The following SAMMSON variants were observed in gnomAD, a reference collection of about 807,000 sequenced individuals.
The protein encoded by SAMMSON is survival associated mitochondrial melanoma specific oncogenic non-coding RNA.
At chr3:70,107,127 C>T (rs189352858) in intron 4 of SAMMSON, among the ~76,000 whole-genome samples, 1 of 152,122 alleles carries the variant, frequency 6.6e-6, no homozygotes, top group East Asian at 1.9e-4. Flanking sequence ...AGAGGGGGAC[C>T]GGGTAAAATG....
In SAMMSON at chr3:70,399,544, A is replaced by G. The variant is rs115612746; in HGVS notation, n.233+41220A>G. Reference sequence around the variant, plus strand: ...AACCCCAACAAATATATCTGTTGATATCATTTTCATAAAATGATTACATAA... The same window carrying G: ...AACCCCAACAAATATATCTGTTGATGTCATTTTCATAAAATGATTACATAA... On this transcript the variant is annotated intron_variant and non_coding_transcript_variant, in intron 2 of 3. Coordinates refer to the SAMMSON transcript ENST00000641053. Among the ~76,000 whole-genome samples the G allele has an allele frequency of 3.9e-3, 593 of 152,282 alleles. 7 individuals are homozygous for G. The highest frequency in any genetic ancestry group is 0.014 in the African/African-American group (564 of 41,556).
intron 7 of SAMMSON, among the ~76,000 whole-genome samples, chr3:70,295,543 A>G (rs1360932171): frequency 1.3e-5 from 2 of 152,066 alleles, no homozygotes; most frequent in African/African-American, 4.8e-5. Context: ...TCTCTACAAA[A>G]AAGTTAAAAA....
intron 4 of SAMMSON, among the ~76,000 whole-genome samples, chr3:70,103,145 G>A (rs2067352492): frequency 6.6e-6 from 1 of 152,242 alleles, no homozygotes; most frequent in South Asian, 2.1e-4. Flanking sequence ...AATTGGTACC[G>A]TGCTGGAATG....
chr3:70,126,125 A>T lies in SAMMSON; in HGVS notation n.507+54560A>T, dbSNP rs919959646. ...ACTCTGTTTGTTAGGATTGTGCTGG[A>T]AGGTGGTGGGTACATATACTTGAGG... On this transcript the variant is annotated intron_variant and non_coding_transcript_variant, in intron 4 of 9. Coordinates refer to ENST00000642114, the Ensembl canonical transcript of SAMMSON. 4 of 1,273,212 alleles carry T rather than the reference A, an allele frequency of 3.1e-6. No individual in the cohort carries two copies. The African/African-American group carries it at 5.8e-5, about 18-fold the overall frequency. 78.9% of individuals were successfully genotyped at this position (1,273,212 alleles called of 1,614,324 possible). A position where few individuals can be genotyped will look rare whatever the true frequency, so the allele number is the denominator to read the frequency against.
rs566048505 is a variant in SAMMSON at position 70,214,064 on chromosome 3, T to C, written n.508-35043T>C. 3.9e-5 allele frequency among the ~76,000 whole-genome samples: 6 copies of C among 152,258 alleles called. No individual in the cohort carries two copies. In the East Asian group the frequency reaches 1.2e-3, roughly 29 times the overall value. Reference sequence around the variant, plus strand: ...TTTTCTCCAGTTGAGGGATGAAGGCTTCTAAAATTTCCTCACCTTTTTGAA... The same window carrying C: ...TTTTCTCCAGTTGAGGGATGAAGGCCTCTAAAATTTCCTCACCTTTTTGAA... On this transcript the variant is annotated intron_variant and non_coding_transcript_variant, in intron 4 of 9. Transcript: ENST00000642114.
intron 2 of SAMMSON, among the ~76,000 whole-genome samples, chr3:70,408,144 A>G (rs1701191020): frequency 6.6e-6 from 1 of 152,210 alleles, no homozygotes; most frequent in Non-Finnish European, 1.5e-5. Context: ...CACACAGCAC[A>G]GGGACCCTGG....
At chr3:70,289,505 T>C (rs1291803852) in intron 6 of SAMMSON, among the ~76,000 whole-genome samples, 1 of 149,484 alleles carries the variant, frequency 6.7e-6, no homozygotes. Context: ...TTTTCCTTCA[T>C]TTCAACTTTG....
At chr3:70,332,999 G>A (rs1489994250) in intron 7 of SAMMSON, 1 of 152,142 alleles carries the variant, frequency 6.6e-6, no homozygotes, top group Non-Finnish European at 1.5e-5. Flanking sequence ...TGACCATTCA[G>A]CCTGAAAAAC....
intron 4 of SAMMSON, among the ~76,000 whole-genome samples, chr3:70,185,047 C>T (rs1215071885): frequency 6.6e-6 from 1 of 152,188 alleles, no homozygotes; most frequent in Non-Finnish European, 1.5e-5. Context: ...TGCAGAGAAA[C>T]TTACTGTATT....
At chr3:70,126,388 C>G in intron 4 of SAMMSON, 1 of 878,448 alleles carries the variant, frequency 1.1e-6, no homozygotes, top group Non-Finnish European at 1.8e-6. Context: ...TTTATAGCTG[C>G]TTTTTAGGGA....
intron 9 of SAMMSON, among the ~76,000 whole-genome samples, chr3:70,366,488 TTA>T (rs1258213348): frequency 2.6e-5 from 3 of 114,282 alleles, no homozygotes; most frequent in Non-Finnish European, 3.6e-5. Flanking sequence ...GTTTGTGTTT[TTA>T]TGTTTTTTTT....
At chr3:70,228,722 CATT>C (rs2106742642) in intron 4 of SAMMSON, among the ~76,000 whole-genome samples, 1 of 148,726 alleles carries the variant, frequency 6.7e-6, no homozygotes, top group Non-Finnish European at 1.5e-5. Flanking sequence ...ATATTCTTCT[CATT>C]AATTTTTTCA....
At chr3:70,097,425 A>G (rs1302635315) in intron 4 of SAMMSON, among the ~76,000 whole-genome samples, 1 of 152,242 alleles carries the variant, frequency 6.6e-6, no homozygotes, top group Non-Finnish European at 1.5e-5. Context: ...TGCTATTAGG[A>G]AAACTACTTG....
chr3:70,098,409 C>G (rs2067330712), intron 4 of SAMMSON, among the ~76,000 whole-genome samples: 1 of 151,942 alleles, frequency 6.6e-6, no homozygotes, highest in Non-Finnish European at 1.5e-5. Flanking sequence ...GCTCTCTCTC[C>G]CAGGCTGGAG....
intron 4 of SAMMSON, among the ~76,000 whole-genome samples, chr3:70,097,931 A>T (rs1443636122): frequency 6.6e-6 from 1 of 152,252 alleles, no homozygotes; most frequent in Non-Finnish European, 1.5e-5. Flanking sequence ...AAATGAATGT[A>T]TTAATCCTCA....
At chr3:70,258,845 G>T (rs993129510) in intron 6 of SAMMSON, among the ~76,000 whole-genome samples, 4 of 152,084 alleles carry the variant, frequency 2.6e-5, no homozygotes, top group Non-Finnish European at 5.9e-5. Flanking sequence ...GAGAGCAGGT[G>T]ATGACCCTAT....
At chr3:70,028,109 C>CTTCT (rs2067048877) in intron 3 of SAMMSON, among the ~76,000 whole-genome samples, 1 of 148,622 alleles carries the variant, frequency 6.7e-6, no homozygotes, top group Admixed American at 6.7e-5. Flanking sequence ...TCCTTCCTTC[C>CTTCT]TTCCCTTCCT....
At chr3:70,367,957 T>C (rs1312943790) in intron 9 of SAMMSON, among the ~76,000 whole-genome samples, 2 of 150,880 alleles carry the variant, frequency 1.3e-5, no homozygotes, top group African/African-American at 2.4e-5. Context: ...CATTTTAAAA[T>C]TGGGTTTTTT....
At position 70,010,687 on chromosome 3, in the gene SAMMSON, A is replaced by C. The variant is rs1048739548; in HGVS notation, n.23-1670A>C. ...TGTATTAGTTAGTTCTTTTGCTGCT[A>C]TAAAGAACTTTTACTGCTTTCCTAG... On this transcript the variant is annotated intron_variant and non_coding_transcript_variant, in intron 1 of 9. Transcript: ENST00000642114. 4.6e-5 allele frequency among the ~76,000 whole-genome samples: 5 copies of C among 108,582 alleles called. No individual in the cohort carries two copies. The South Asian group carries it at 1.6e-3, about 35-fold the overall frequency. The allele number at this position is 108,582 out of a possible 152,430, so 71.2% of individuals were successfully genotyped here. A position where few individuals can be genotyped will look rare whatever the true frequency, so the allele number is the denominator to read the frequency against.
Sources: allele counts gnomAD v4.1 joint callset (sites outside exome capture counted in the v4.1 genomes callset), GRCh38; gene constraint gnomAD v4.1.1; transcripts MANE v1.5; gene names NCBI Gene and HGNC (gene_info 2026-07-23, HGNC 2026-07-21).